Variants in GFI1 observed in about 807,000 individuals in gnomAD.
The protein encoded by GFI1 is zinc finger protein Gfi-1.
In GFI1, 15 loss-of-function variants were observed where a neutral mutation model predicts 39.2. That is an observed-to-expected ratio of 0.38 (90% CI 0.26 to 0.59). GFI1 has a LOEUF of 0.59. Among genes scored for constraint, GFI1 ranks in the 20% least tolerant of loss-of-function variants. The pLI is 0.62. For synonymous variants in GFI1, 239 were observed against 254.3 expected (o/e 0.94, Z 0.57); for missense variants, 475 against 574.0 (o/e 0.83, Z 1.76).
In GFI1 at chr1:92,482,838, C is replaced by G. The variant is rs765663437; in HGVS notation, c.298+26G>C. On this transcript the variant is annotated intron_variant, in intron 3 of 6. Coordinates refer to ENST00000294702, the MANE Select transcript of GFI1 (RefSeq NM_005263.5). This position sits in a 1 kb window ranked among gnomAD's most constrained non-coding sequence, Gnocchi z 4.4. ...ACTGCCGGGTCCCTGCAGCTCCCGC[C>G]CAAGAGGTTCCCAGTGGGTTCCTAC... 1 of 1,602,576 alleles carries G rather than the reference C, an allele frequency of 6.2e-7. No individual in the cohort carries two copies. The highest frequency in any genetic ancestry group is 8.5e-7 in the Non-Finnish European group (1 of 1,169,722).
Position 92,480,482 on chromosome 1 carries a change from A to C in GFI1, c.790T>G (p.Phe264Val). The C allele has an allele frequency of 6.5e-7, 1 of 1,549,948 alleles. No individual in the cohort carries two copies. Among genetic ancestry groups the C allele is most frequent in the Non-Finnish European group, 8.7e-7 (1 of 1,146,520 alleles). Residue 264 changes from phenylalanine (F) to valine (V), a missense_variant, in exon 5 of 7, where the codon TTC becomes GTC. By Grantham distance (50) the Phe-to-Val change is conservative (BLOSUM62 -1). Around this residue, in one of 4 missense-constraint regions of GFI1, gnomAD observed 79 missense variants for 68.4 expected, o/e 1.15. Transcript: ENST00000294702. This position sits in a 1 kb window ranked among gnomAD's most constrained non-coding sequence, Gnocchi z 5.6. ...SYKCIKCSKV[F>V]STPHGLEVHV... ...ACCTCGAGCCCGTGCGGCGTGGAGA[A>C]CACCTAAGGCGGGTGGGGCCAGAGA...
chr1:92,478,376 T>C (rs918426594), intron 6 of GFI1, among the ~76,000 whole-genome samples: 3 of 152,300 alleles, frequency 2.0e-5, no homozygotes, highest in Non-Finnish European at 2.9e-5. Flanking sequence ...CTGAGTGGCC[T>C]TTCAGACACA....
Position 92,480,494 on chromosome 1 carries a change from G to T in GFI1, c.787-9C>A. The T allele has an allele frequency of 6.5e-7, 1 of 1,549,570 alleles. No individual in the cohort carries two copies. The highest frequency in any genetic ancestry group is 8.7e-7 in the Non-Finnish European group (1 of 1,146,332). On this transcript the variant is annotated splice_polypyrimidine_tract_variant and intron_variant, in intron 4 of 6. Transcript: ENST00000294702. This position sits in a 1 kb window ranked among gnomAD's most constrained non-coding sequence, Gnocchi z 5.6. The stretch of plus-strand genomic sequence containing the variant: ...TGCGGCGTGGAGAACACCTAAGGCG[G>T]GTGGGGCCAGAGAGAAGGCCGCTGA...
chr1:92,482,915 T>A lies in GFI1; in HGVS notation c.247A>T (p.Ser83Cys). ...DSCEGSVCER[S>C]SEFEDFWRPP... is the part of the protein sequence containing the mutation. Reference sequence around the variant, plus strand: ...CTCCAGAAGTCCTCAAACTCCGAGCTCCGTTCGCAGACGCTGCCTTCGCAG... The same window carrying A: ...CTCCAGAAGTCCTCAAACTCCGAGCACCGTTCGCAGACGCTGCCTTCGCAG... Residue 83 changes from serine (S) to cysteine (C), a missense_variant, in exon 3 of 7, where the codon AGC becomes TGC. Ser to Cys is a moderately radical substitution (Grantham distance 112). Around this residue, in one of 4 missense-constraint regions of GFI1, gnomAD observed 275 missense variants for 275.8 expected, o/e 1.00. Transcript: ENST00000294702. This position sits in a 1 kb window ranked among gnomAD's most constrained non-coding sequence, Gnocchi z 4.4. 6.2e-7 allele frequency: 1 copy of A among 1,614,082 alleles called. No individual in the cohort carries two copies. The highest frequency in any genetic ancestry group is 8.5e-7 in the Non-Finnish European group (1 of 1,180,006).
chr1:92,478,793 GAT>G, intron 5 of GFI1, 40 bp from the exon 6 acceptor site: 2 of 1,508,812 alleles, frequency 1.3e-6, no homozygotes, highest in Non-Finnish European at 1.8e-6. Context: ...GAGAGAGAGA[GAT>G]GCAGAACTCC....
In GFI1 at chr1:92,480,648, G is replaced by T. The variant is rs759319564; in HGVS notation, c.739C>A (p.Arg247Ser). 6.3e-7 allele frequency: 1 copy of T among 1,590,802 alleles called. No individual in the cohort carries two copies. Among genetic ancestry groups the T allele is most frequent in the Non-Finnish European group, 8.5e-7 (1 of 1,175,136 alleles). ...TAGGAGCCGCCGCCCAGCAGCAGGCGGGTGCACAGCAGCTCCGACTCCACC... is the reference window on the plus strand; with the variant it reads ...TAGGAGCCGCCGCCCAGCAGCAGGCTGGTGCACAGCAGCTCCGACTCCACC... Reference protein sequence around the residue: ...VKVESELLCTRLLLGGGSYKC... With the variant: ...VKVESELLCTSLLLGGGSYKC... The change falls in exon 4 of 7, where the codon CGC (arginine) becomes AGC (serine). Residue 247 changes from arginine (R) to serine (S), a missense_variant. This residue lies in a region of GFI1 where 79 missense variants were observed against 68.4 expected (regional missense o/e 1.15). Coordinates refer to ENST00000294702, the MANE Select transcript of GFI1 (RefSeq NM_005263.5). The surrounding 1 kb of genome is among the most constrained non-coding windows in gnomAD (Gnocchi z 5.6).
rs1007448280 is a variant in GFI1 at position 92,474,072 on chromosome 1, T to C, written c.*1957A>G. Among the ~76,000 whole-genome samples the C allele has an allele frequency of 6.6e-6, 1 of 152,238 alleles. No homozygotes were observed. The highest frequency in any genetic ancestry group is 1.5e-5 in the Non-Finnish European group (1 of 68,040). On this transcript the variant is annotated 3_prime_UTR_variant, in exon 7 of 7. Coordinates refer to ENST00000294702, the MANE Select transcript of GFI1 (RefSeq NM_005263.5). ...GTTAAAGCACTAGTAGTAGGGATTT[T>C]GGCCAGGATTTTATTCTGGTTTCAT...
In GFI1 at chr1:92,478,422, C is replaced by T. The variant is rs117252159; in HGVS notation, c.1090+166G>A. On this transcript the variant is annotated intron_variant, in intron 6 of 6. Transcript: ENST00000294702. ...AAGGTGGCTCTGGGGAGAATTATGC[C>T]GGTAAATGAACCAAAGAACCCACCC... Among the ~76,000 whole-genome samples the T allele has an allele frequency of 1.1e-4, 16 of 152,264 alleles. No individual in the cohort carries two copies. In the East Asian group the frequency reaches 1.7e-3, roughly 17 times the overall value.
intron 5 of GFI1, among the ~76,000 whole-genome samples, chr1:92,479,119 G>A (rs142549484): frequency 3.2e-4 from 48 of 152,366 alleles, no homozygotes; most frequent in African/African-American, 1.2e-3. Context: ...GCCCACCTCG[G>A]CCTCTCAAAG....
At position 92,481,634 on chromosome 1, in the gene GFI1, G is replaced by T. The variant is rs149216539; in HGVS notation, c.299-546C>A. ...GCGGCCCCGAACTACCCGAAAGGCT[G>T]CTGTCTGAATAAACCCGAAGGTATT... On this transcript the variant is annotated intron_variant, in intron 3 of 6. Transcript: ENST00000294702. This position sits in a 1 kb window ranked among gnomAD's most constrained non-coding sequence, Gnocchi z 4.3. 1.5e-4 allele frequency among the ~76,000 whole-genome samples: 23 copies of T among 152,338 alleles called. No homozygotes were observed. The highest frequency in any genetic ancestry group is 2.9e-4 in the Non-Finnish European group (20 of 68,032).
Position 92,479,695 on chromosome 1 carries a change from C to T in GFI1, c.924+653G>A, listed in dbSNP as rs2101567406. Reference sequence around the variant, plus strand: ...GGCGAAATCCCGTCTCTACTAAGAACACAAAAATTAGCTGTGCTGTAGTGG... The same window carrying T: ...GGCGAAATCCCGTCTCTACTAAGAATACAAAAATTAGCTGTGCTGTAGTGG... On this transcript the variant is annotated intron_variant, in intron 5 of 6. Coordinates refer to ENST00000294702, the MANE Select transcript of GFI1 (RefSeq NM_005263.5). Among the ~76,000 whole-genome samples, 4 of 152,104 alleles carry T rather than the reference C, an allele frequency of 2.6e-5. 1 individual carries two copies. The highest frequency in any genetic ancestry group is 9.6e-5 in the African/African-American group (4 of 41,500).
In GFI1 at chr1:92,483,513, G is replaced by T. The variant is rs1212658504; in HGVS notation, c.-26C>A. On this transcript the variant is annotated 5_prime_UTR_variant, in exon 2 of 7. Coordinates refer to ENST00000294702, the MANE Select transcript of GFI1 (RefSeq NM_005263.5). ...GGTGGTCCGGCACTTTCCCCACTGC[G>T]CCCCAAGAGTCCCTGGAGCCGCTGT... 14 of 1,352,610 alleles carry T rather than the reference G, an allele frequency of 1.0e-5. No homozygotes were observed. The Admixed American group carries it at 1.6e-4, about 15-fold the overall frequency. 83.8% of individuals were successfully genotyped at this position (1,352,610 alleles called of 1,614,324 possible). A position where few individuals can be genotyped will look rare whatever the true frequency, so the allele number is the denominator to read the frequency against.
rs932513740 is a variant in GFI1 at position 92,478,493 on chromosome 1, G to T, written c.1090+95C>A. 29 of 1,022,998 alleles carry T rather than the reference G, an allele frequency of 2.8e-5. No individual in the cohort carries two copies. The African/African-American group carries it at 3.8e-4, about 13-fold the overall frequency. The allele number at this position is 1,022,998 out of a possible 1,614,324, so 63.4% of individuals were successfully genotyped here. A position where few individuals can be genotyped will look rare whatever the true frequency, so the allele number is the denominator to read the frequency against. The stretch of plus-strand genomic sequence containing the variant: ...AGCAGAGAATAACTCCATCAGAAAG[G>T]CCTCATCCACCACTCACTGGGGCCA... On this transcript the variant is annotated intron_variant, in intron 6 of 6. Transcript: ENST00000294702.
chr1:92,483,021 C>T lies in GFI1; in HGVS notation c.141G>A (p.Ala47=), dbSNP rs1413311521. Residue 47 remains alanine, a synonymous_variant, in exon 3 of 7, where the codon GCG becomes GCA. Transcript: ENST00000294702. The part of the protein sequence containing the change: ...RADSTSNAGG[A]KAEPRDRLSP... The stretch of plus-strand genomic sequence containing the variant: ...ACAAACGGTCCCGGGGCTCCGCCTT[C>T]GCCCCGCCTGCATTTGAAGTGCTGT... 2 of 1,601,008 alleles carry T rather than the reference C, an allele frequency of 1.2e-6. No individual in the cohort carries two copies. The highest frequency in any genetic ancestry group is 1.1e-5 in the South Asian group (1 of 90,408).
rs2101576889 is a variant in GFI1, at chr1:92,481,956, C to CGCGCGCGCAA, written c.299-869_299-868insTTGCGCGCGC. Among the ~76,000 whole-genome samples the CGCGCGCGCAA allele has an allele frequency of 6.1e-3, 1 of 164 alleles. No individual in the cohort carries two copies. The highest frequency in any genetic ancestry group is 0.25 in the East Asian group (1 of 4). The allele number at this position is 164 out of a possible 152,430, so 0.1% of individuals were successfully genotyped here. On this transcript the variant is annotated intron_variant, in intron 3 of 6. Coordinates refer to ENST00000294702, the MANE Select transcript of GFI1 (RefSeq NM_005263.5). This position sits in a 1 kb window ranked among gnomAD's most constrained non-coding sequence, Gnocchi z 4.3. Reference sequence around the variant, plus strand: ...ACAAATGTGTGTGTGTGTGTGTGCGCACAACACTCCAGTTCAGGCTGGCCA... The same window carrying CGCGCGCGCAA: ...ACAAATGTGTGTGTGTGTGTGTGCGCGCGCGCGCAAACAACACTCCAGTTCAGGCTGGCCA...
chr1:92,479,888 G>A (rs888559265), intron 5 of GFI1, among the ~76,000 whole-genome samples: 1 of 152,024 alleles, frequency 6.6e-6, no homozygotes, highest in Non-Finnish European at 1.5e-5. Flanking sequence ...AGAAAGGAAG[G>A]AAGGAAAGAA....
At chr1:92,476,613 G>A (rs1657993110) in intron 6 of GFI1, among the ~76,000 whole-genome samples, 2 of 152,232 alleles carry the variant, frequency 1.3e-5, no homozygotes, top group Non-Finnish European at 2.9e-5. Flanking sequence ...GTGTGACTCC[G>A]TTCTAATTCA....
Position 92,480,492 on chromosome 1 carries a change from CG to C in GFI1, c.787-8del. On this transcript the variant is annotated splice_polypyrimidine_tract_variant and splice_region_variant and intron_variant, in intron 4 of 6. Coordinates refer to ENST00000294702, the MANE Select transcript of GFI1 (RefSeq NM_005263.5). This position sits in a 1 kb window ranked among gnomAD's most constrained non-coding sequence, Gnocchi z 5.6. ...CGTGCGGCGTGGAGAACACCTAAGG[CG>C]GGTGGGGCCAGAGAGAAGGCCGCTG... The C allele has an allele frequency of 6.5e-7, 1 of 1,549,516 alleles. No individual in the cohort carries two copies. Among genetic ancestry groups the C allele is most frequent in the Non-Finnish European group, 8.7e-7 (1 of 1,146,328 alleles).
Position 92,479,743 on chromosome 1 carries a change from C to T in GFI1, c.924+605G>A, listed in dbSNP as rs539437254. ...TGGCATGCGCCTGTAATCCCAGCTA[C>T]TTAGGAGGCTGAGGCACGAGAATCA... On this transcript the variant is annotated intron_variant, in intron 5 of 6. Transcript: ENST00000294702. Among the ~76,000 whole-genome samples the T allele has an allele frequency of 1.9e-4, 29 of 152,198 alleles. 1 individual carries two copies. The highest frequency in any genetic ancestry group is 7.0e-4 in the African/African-American group (29 of 41,512).
Sources: allele counts gnomAD v4.1 joint callset (sites outside exome capture counted in the v4.1 genomes callset), GRCh38; gene constraint gnomAD v4.1.1; regional missense constraint gnomAD v4.1.1; non-coding constraint Gnocchi (gnomAD v3.1); transcripts MANE v1.5; gene names NCBI Gene and HGNC (gene_info 2026-07-23, HGNC 2026-07-21).